ZNF180: variants seen among roughly 807,000 people sequenced by gnomAD.
ZNF180 encodes zinc finger protein 180 (HHZ168).
ZNF180 carries 11 observed loss-of-function variants against 11.8 expected under a neutral mutation model. That is an observed-to-expected ratio of 0.93 (90% CI 0.59 to 1.55). ZNF180 has a LOEUF of 1.55. Ranked by LOEUF, ZNF180 falls within the 40% of genes most tolerant of loss-of-function variation. The pLI is 0.00. For synonymous variants in ZNF180, 287 were observed against 257.7 expected (o/e 1.11, Z -1.09); for missense variants, 773 against 781.7 (o/e 0.99, Z 0.13).
In ZNF180 at chr19:44,476,569, ACT is replaced by A; in HGVS notation, c.1829_1830del (p.Gln610LeufsTer6). The A allele has an allele frequency of 6.2e-7, 1 of 1,614,146 alleles. No homozygotes were observed. Among genetic ancestry groups the A allele is most frequent in the Non-Finnish European group, 8.5e-7 (1 of 1,179,996 alleles). On this transcript the variant is annotated frameshift_variant, in exon 5 of 5. Coordinates refer to ENST00000592529, the MANE Select transcript of ZNF180 (RefSeq NM_001278509.3). LOFTEE classifies it low-confidence loss of function (END_TRUNC). ...GCACTCAAGCTAAATGTTTTTCCAC[ACT>A]GATTACATTCAAATGGTTTCTCTCC... ...HTGEKPFECN[Q>X]CGKTFSLSAR... is the part of the protein sequence containing the mutation.
rs868867370 is a variant in ZNF180, at chr19:44,476,449, T to C, written c.1951A>G (p.Arg651Gly). 9 of 1,611,464 alleles carry C rather than the reference T, an allele frequency of 5.6e-6. No individual in the cohort carries two copies. Among genetic ancestry groups the C allele is most frequent in the Non-Finnish European group, 7.6e-6 (9 of 1,178,426 alleles). Residue 651 changes from arginine to glycine, a missense_variant, in exon 5 of 5, where the codon AGG (arginine) becomes GGG (glycine). Coordinates refer to ENST00000592529, the MANE Select transcript of ZNF180 (RefSeq NM_001278509.3). ...KAFINSYKLI[R>G]HQATHTEEKL... ...TCTTCAGTATGAGTTGCCTGATGCC[T>C]AATAAGTTTATAGCTATTAATGAAA...
chr19:44,496,975 A>T (rs1970605039), intron 2 of ZNF180, among the ~76,000 whole-genome samples: 1 of 152,188 alleles, frequency 6.6e-6, no homozygotes, highest in Admixed American at 6.6e-5. Flanking sequence ...CTATCCTCTT[A>T]CATTGCACAT....
intron 2 of ZNF180, 100 bp downstream of exon 2, chr19:44,497,184 A>C (rs1600099181): frequency 3.8e-6 from 4 of 1,059,752 alleles, no homozygotes; most frequent in Non-Finnish European, 5.1e-6. Flanking sequence ...AGGGCCTCAA[A>C]CCCCCTAAAA....
In ZNF180 at chr19:44,476,324, C is replaced by G; in HGVS notation, c.*78G>C. ...ATATATTGTTTTTATAGTAGTTCTT[C>G]CAACTACATGTACTACCTTAAAATA... On this transcript the variant is annotated 3_prime_UTR_variant, in exon 5 of 5. Coordinates refer to ENST00000592529, the MANE Select transcript of ZNF180 (RefSeq NM_001278509.3). 2 of 1,332,190 alleles carry G rather than the reference C, an allele frequency of 1.5e-6. No individual in the cohort carries two copies. The highest frequency in any genetic ancestry group is 2.0e-6 in the Non-Finnish European group (2 of 988,622). The allele number at this position is 1,332,190 out of a possible 1,614,324, so 82.5% of individuals were successfully genotyped here.
chr19:44,488,545 C>T (rs998319879), intron 2 of ZNF180, among the ~76,000 whole-genome samples: 8 of 152,174 alleles, frequency 5.3e-5, no homozygotes, highest in South Asian at 2.1e-4. Context: ...GGATTGCAGA[C>T]GGAGTCTCGT....
At chr19:44,480,752 GT>G (rs1970057394) in intron 3 of ZNF180, among the ~76,000 whole-genome samples, 1 of 152,182 alleles carries the variant, frequency 6.6e-6, no homozygotes. Context: ...GTATGAAACA[GT>G]TTTGACTGTT....
At chr19:44,493,233 C>T (rs1034407852) in intron 2 of ZNF180, among the ~76,000 whole-genome samples, 21 of 152,330 alleles carry the variant, frequency 1.4e-4, no homozygotes, top group Non-Finnish European at 1.0e-4. Flanking sequence ...GAGATTCTAC[C>T]ACCTACTTGG....
chr19:44,498,670 G>A (rs908133863), intron 1 of ZNF180, among the ~76,000 whole-genome samples: 28 of 152,072 alleles, frequency 1.8e-4, no homozygotes, highest in African/African-American at 5.8e-4. Context: ...TGTGCACAAG[G>A]GGTGCCTGAC....
Position 44,493,141 on chromosome 19 carries a change from T to C in ZNF180, c.51+4143A>G, listed in dbSNP as rs143851347. ...CATCCATGAATAATTCTCACTGTCCTGAAATACACAGAATAGACCATCCAC... is the reference window on the plus strand; with the variant it reads ...CATCCATGAATAATTCTCACTGTCCCGAAATACACAGAATAGACCATCCAC... On this transcript the variant is annotated intron_variant, in intron 2 of 4. Coordinates refer to ENST00000592529, the MANE Select transcript of ZNF180 (RefSeq NM_001278509.3). 2.8e-3 allele frequency among the ~76,000 whole-genome samples: 433 copies of C among 152,316 alleles called. 2 individuals are homozygous for C. The highest frequency in any genetic ancestry group is 4.9e-3 in the Non-Finnish European group (331 of 68,028).
At position 44,476,747 on chromosome 19, in the gene ZNF180, T is replaced by C. The variant is rs780232595; in HGVS notation, c.1653A>G (p.Glu551=). ...QRIHTGEKPY[E]CNQCGKSFSQ... is the part of the protein sequence containing the mutation. ...TGAAGGATTTCCCACACTGATTACA[T>C]TCATACGGTTTTTCCCCAGTGTGAA... The change falls in exon 5 of 5, where the codon GAA becomes GAG. Residue 551 remains glutamate (E), a synonymous_variant. Coordinates refer to ENST00000592529, the MANE Select transcript of ZNF180 (RefSeq NM_001278509.3). The C allele has an allele frequency of 6.2e-7, 1 of 1,614,110 alleles. No homozygotes were observed. The highest frequency in any genetic ancestry group is 1.6e-4 in the Middle Eastern group (1 of 6,062).
chr19:44,482,393 T>C (rs942365416), intron 3 of ZNF180, among the ~76,000 whole-genome samples: 5 of 152,202 alleles, frequency 3.3e-5, no homozygotes, highest in African/African-American at 1.2e-4. Flanking sequence ...TGGAGACTTA[T>C]ACTTCCTGCT....
At position 44,477,973 on chromosome 19, in the gene ZNF180, CTT is replaced by C. The variant is rs756290248; in HGVS notation, c.425_426del (p.Gln142ArgfsTer18). The C allele has an allele frequency of 8.1e-6, 13 of 1,613,926 alleles. No individual in the cohort carries two copies. The highest frequency in any genetic ancestry group is 1.6e-4 in the Middle Eastern group (1 of 6,082). On this transcript the variant is annotated frameshift_variant, in exon 5 of 5. Transcript: ENST00000592529. LOFTEE classifies it low-confidence loss of function (END_TRUNC). ...AATGCCACTTCCTGCAAAAGTATCT[CTT>C]GTTTTTCCTGTTGCTTCTCCAACTG... ...KDQLEKQQEK[Q>X]EILLQEVAFT...
intron 1 of ZNF180, among the ~76,000 whole-genome samples, chr19:44,497,816 A>AG (rs1322204524): frequency 6.6e-6 from 1 of 152,014 alleles, no homozygotes; most frequent in East Asian, 1.9e-4. Flanking sequence ...ACTTCTTCCT[A>AG]GGGCCAGAAT....
intron 3 of ZNF180, among the ~76,000 whole-genome samples, chr19:44,482,053 C>T (rs1970094756): frequency 6.6e-6 from 1 of 152,210 alleles, no homozygotes; most frequent in Non-Finnish European, 1.5e-5. Context: ...TGCCTATAAT[C>T]CCAGCACTTT....
chr19:44,487,930 T>C (rs1970274244), intron 2 of ZNF180, among the ~76,000 whole-genome samples: 1 of 152,214 alleles, frequency 6.6e-6, no homozygotes, highest in Non-Finnish European at 1.5e-5. Context: ...TTTCACCATG[T>C]TGGCCAGGAT....
At chr19:44,496,133 C>T (rs1399316461) in intron 2 of ZNF180, among the ~76,000 whole-genome samples, 1 of 151,960 alleles carries the variant, frequency 6.6e-6, no homozygotes, top group African/African-American at 2.4e-5. Flanking sequence ...ATCCTCCCAC[C>T]TCACCCACTC....
chr19:44,488,052 C>T (rs760276922), intron 2 of ZNF180, among the ~76,000 whole-genome samples: 15 of 142,988 alleles, frequency 1.0e-4, no homozygotes, highest in African/African-American at 3.6e-4. Context: ...TTGACGCCCT[C>T]GCCCTCGCCC....
rs1465394186 is a variant in ZNF180, at chr19:44,484,362, T to A, written c.125A>T (p.Gln42Leu). Residue 42 changes from glutamine to leucine, a missense_variant and splice_region_variant, in exon 3 of 5, where the codon CAG (glutamine) becomes CTG (leucine). Coordinates refer to ENST00000592529, the MANE Select transcript of ZNF180 (RefSeq NM_001278509.3). ...EDTGSLTIPS[Q>L]EGVNFKIVTV... is the part of the protein sequence containing the mutation. Reference sequence around the variant, plus strand: ...AGACAGAGGCCTTGCCCAACCTACCTGAGATGGGATGGTCAGAGACCCAGT... The same window carrying A: ...AGACAGAGGCCTTGCCCAACCTACCAGAGATGGGATGGTCAGAGACCCAGT... 1.2e-6 allele frequency: 2 copies of A among 1,611,444 alleles called. No homozygotes were observed. The highest frequency in any genetic ancestry group is 1.7e-5 in the Admixed American group (1 of 59,982).
chr19:44,496,039 GAC>G (rs2123504870), intron 2 of ZNF180, among the ~76,000 whole-genome samples: 1 of 152,180 alleles, frequency 6.6e-6, no homozygotes, highest in Admixed American at 6.5e-5. Context: ...GTTTTTTAGA[GAC>G]AGAGTCTCAC....
Sources: allele counts gnomAD v4.1 joint callset (sites outside exome capture counted in the v4.1 genomes callset), GRCh38; gene constraint gnomAD v4.1.1; transcripts MANE v1.5; gene names NCBI Gene and HGNC (gene_info 2026-07-23, HGNC 2026-07-21).